Variants in KCNU1 observed in about 807,000 individuals in gnomAD.
KCNU1 encodes potassium channel subfamily U member 1.
A neutral mutation model predicts 126.8 loss-of-function variants in KCNU1; 93 were observed. That is an observed-to-expected ratio of 0.73 (90% CI 0.62 to 0.87). The LOEUF is 0.87. Among genes scored for constraint, KCNU1 ranks in the 40% least tolerant of loss-of-function variants. The pLI is 0.00. For synonymous variants in KCNU1, 523 were observed against 494.2 expected (o/e 1.06, Z -0.77); for missense variants, 1,330 against 1,367.1 (o/e 0.97, Z 0.43).
intron 19 of KCNU1, among the ~76,000 whole-genome samples, chr8:36,891,078 G>A (rs183702569): frequency 6.6e-6 from 1 of 151,666 alleles, no homozygotes; most frequent in East Asian, 1.9e-4. Flanking sequence ...CTGCTATTTG[G>A]TATTTTTTAT....
intron 19 of KCNU1, among the ~76,000 whole-genome samples, chr8:36,902,701 A>G (rs541600787): frequency 1.3e-5 from 2 of 152,122 alleles, no homozygotes; most frequent in Non-Finnish European, 2.9e-5. Flanking sequence ...TCATTCATCA[A>G]TGCTCCAAAT....
intron 26 of KCNU1, 58 bp downstream of exon 26, chr8:36,933,090 A>G (rs1808751573): frequency 9.5e-7 from 1 of 1,050,236 alleles, no homozygotes; most frequent in East Asian, 2.6e-5. Flanking sequence ...AACCAAAGCT[A>G]CTTTATTCAA....
chr8:36,879,075 C>A (rs1806372412), intron 19 of KCNU1, among the ~76,000 whole-genome samples: 1 of 147,680 alleles, frequency 6.8e-6, no homozygotes, highest in South Asian at 2.1e-4. Context: ...TGAGTGGGCA[C>A]CGTAAAAGAT....
chr8:36,842,344 G>T (rs1037905044), intron 16 of KCNU1, among the ~76,000 whole-genome samples: 6 of 152,304 alleles, frequency 3.9e-5, no homozygotes, highest in African/African-American at 4.8e-5. Flanking sequence ...GAGTTGACAG[G>T]ATATAGAAAG....
intron 19 of KCNU1, among the ~76,000 whole-genome samples, chr8:36,866,542 G>C (rs983469994): frequency 8.5e-5 from 13 of 152,086 alleles, no homozygotes; most frequent in Admixed American, 7.9e-4. Context: ...GGCATTTCAG[G>C]GACCCAAATT....
chr8:36,854,434 G>A (rs1805459837), intron 18 of KCNU1, among the ~76,000 whole-genome samples: 1 of 145,904 alleles, frequency 6.9e-6, no homozygotes, highest in African/African-American at 2.5e-5. Flanking sequence ...CCCTCAAACT[G>A]TATAATCTTC....
At position 36,799,378 on chromosome 8, in the gene KCNU1, C is replaced by A. The variant is rs191696834; in HGVS notation, c.316-4649C>A. Among the ~76,000 whole-genome samples, 53 of 151,904 alleles carry A rather than the reference C, an allele frequency of 3.5e-4. No individual in the cohort carries two copies. In the Middle Eastern group the frequency reaches 0.01, roughly 29 times the overall value. On this transcript the variant is annotated intron_variant, in intron 2 of 26. Transcript: ENST00000399881. Reference sequence around the variant, plus strand: ...TTCCTCCCTGACAAGTCTTGGTGGGCCTTTTCGATCTAGACTCAGGTTAGT... The same window carrying A: ...TTCCTCCCTGACAAGTCTTGGTGGGACTTTTCGATCTAGACTCAGGTTAGT...
chr8:36,810,960 T>C (rs1435415951), intron 7 of KCNU1, among the ~76,000 whole-genome samples: 2 of 152,112 alleles, frequency 1.3e-5, no homozygotes, highest in Non-Finnish European at 2.9e-5. Flanking sequence ...TATTAAACAA[T>C]AGAAGTAATT....
chr8:36,814,190 C>G lies in KCNU1; in HGVS notation c.733-17C>G. ...GATTCTATTCAGATGTTTCCTGAGT[C>G]TTCTCTCTTTGGACAGGTGGAAAAT... On this transcript the variant is annotated splice_polypyrimidine_tract_variant and intron_variant, in intron 7 of 26. Transcript: ENST00000399881. The G allele has an allele frequency of 6.2e-7, 1 of 1,604,858 alleles. No individual in the cohort carries two copies. Among genetic ancestry groups the G allele is most frequent in the Non-Finnish European group, 8.5e-7 (1 of 1,172,276 alleles).
intron 19 of KCNU1, among the ~76,000 whole-genome samples, chr8:36,880,645 G>A (rs1250963914): frequency 1.3e-5 from 2 of 152,076 alleles, no homozygotes; most frequent in African/African-American, 4.8e-5. Flanking sequence ...CCCACCAGCT[G>A]GTTGGAATCC....
At chr8:36,869,468 C>T (rs1430674234) in intron 19 of KCNU1, among the ~76,000 whole-genome samples, 1 of 152,122 alleles carries the variant, frequency 6.6e-6, no homozygotes, top group Non-Finnish European at 1.5e-5. Flanking sequence ...AACTTCATCT[C>T]CATCCTCTTT....
intron 19 of KCNU1, among the ~76,000 whole-genome samples, chr8:36,865,881 C>T (rs1805893874): frequency 6.6e-6 from 1 of 150,638 alleles, no homozygotes; most frequent in Non-Finnish European, 1.5e-5. Flanking sequence ...TTTGCAGCAA[C>T]ACGGATGAAC....
chr8:36,888,405 C>G (rs1352866035), intron 19 of KCNU1: 1 of 375,568 alleles, frequency 2.7e-6, no homozygotes, highest in Non-Finnish European at 5.3e-6. Context: ...CACAACACCA[C>G]TCTGGCTGCA....
chr8:36,876,738 G>A lies in KCNU1; in HGVS notation c.2009+12217G>A, dbSNP rs969760455. Among the ~76,000 whole-genome samples the A allele has an allele frequency of 3.3e-5, 5 of 152,268 alleles. No individual in the cohort carries two copies. In the East Asian group the frequency reaches 9.7e-4, roughly 29 times the overall value. On this transcript the variant is annotated intron_variant, in intron 19 of 26. Coordinates refer to ENST00000399881, the MANE Select transcript of KCNU1 (RefSeq NM_001031836.3). Reference sequence around the variant, plus strand: ...GGTATTTTTTCAAGCCAAGAAATAAGAGTAGAGAAGAGATGAAACAGTACT... The same window carrying A: ...GGTATTTTTTCAAGCCAAGAAATAAAAGTAGAGAAGAGATGAAACAGTACT...
chr8:36,849,889 G>T (rs886721675), intron 18 of KCNU1, among the ~76,000 whole-genome samples: 5 of 152,070 alleles, frequency 3.3e-5, no homozygotes, highest in African/African-American at 1.2e-4. Flanking sequence ...TTCATTATTT[G>T]CAGAATCACC....
intron 24 of KCNU1, chr8:36,929,095 C>T: frequency 1.5e-6 from 1 of 674,392 alleles, no homozygotes; most frequent in Non-Finnish European, 2.7e-6. Flanking sequence ...GCTGAAAAAA[C>T]AATCAGCCAG....
intron 19 of KCNU1, among the ~76,000 whole-genome samples, chr8:36,902,384 A>C (rs1439506888): frequency 1.3e-5 from 2 of 152,110 alleles, no homozygotes; most frequent in Non-Finnish European, 2.9e-5. Context: ...GCATTTAACT[A>C]CCAGACCAAA....
intron 19 of KCNU1, among the ~76,000 whole-genome samples, chr8:36,889,591 C>T (rs1034425329): frequency 2.6e-5 from 4 of 151,596 alleles, no homozygotes; most frequent in African/African-American, 9.7e-5. Context: ...TATAAAAGGG[C>T]ATAAAGAAGA....
chr8:36,867,501 T>A (rs928405855), intron 19 of KCNU1, among the ~76,000 whole-genome samples: 5 of 152,196 alleles, frequency 3.3e-5, no homozygotes, highest in African/African-American at 1.2e-4. Flanking sequence ...TAATGCAAAG[T>A]TGTTATAAAA....
Sources: gnomAD v4.1 joint callset for allele counts (sites outside exome capture counted in the v4.1 genomes callset) on GRCh38, gnomAD v4.1.1 for gene constraint, MANE v1.5 for transcripts, NCBI Gene and HGNC (gene_info 2026-07-23, HGNC 2026-07-21) for gene names.